Variants in MTAP observed in about 807,000 individuals in gnomAD.
MTAP encodes the protein S-methyl-5'-thioadenosine phosphorylase.
A neutral mutation model predicts 33.6 loss-of-function variants in MTAP; 33 were observed. The observed-to-expected ratio is 0.98, with a 90% confidence interval of 0.74 to 1.31. The LOEUF is 1.31. Ranked by LOEUF, MTAP falls within the 40% of genes most tolerant of loss-of-function variation. The pLI, the probability that MTAP is intolerant of heterozygous loss-of-function variation, is 0.00. For synonymous variants in MTAP, 148 were observed against 125.7 expected, an observed-to-expected ratio of 1.18 and a Z score of -1.19; for missense variants, 367 against 360.0, an observed-to-expected ratio of 1.02 and a Z score of -0.16.
At chr9:21,881,939 A>G (rs1172207532) in intron 1 of MTAP, among the ~76,000 whole-genome samples, 3 of 152,064 alleles carry the variant, frequency 2.0e-5, no homozygotes, top group African/African-American at 7.2e-5. Flanking sequence ...TCATAGCAGC[A>G]TTATTAAGAA....
chr9:21,883,658 T>C (rs1451706975), intron 1 of MTAP, among the ~76,000 whole-genome samples: 4 of 150,860 alleles, frequency 2.7e-5, no homozygotes, highest in East Asian at 1.9e-4. Context: ...TCAGATCTCA[T>C]TGGAGAACGT....
intron 6 of MTAP, among the ~76,000 whole-genome samples, chr9:21,858,173 G>T (rs560271741): frequency 6.6e-6 from 1 of 152,062 alleles, no homozygotes; most frequent in East Asian, 1.9e-4. Flanking sequence ...AAGGAGAAAC[G>T]TACCTGTTTG....
chr9:21,920,603 T>C (rs1378869279), intron 1 of MTAP, among the ~76,000 whole-genome samples: 1 of 152,200 alleles, frequency 6.6e-6, no homozygotes, highest in Non-Finnish European at 1.5e-5. Flanking sequence ...AAAGGGGCTA[T>C]TGGGAAACAA....
chr9:21,803,762 G>C (rs1324325451), intron 1 of MTAP, among the ~76,000 whole-genome samples: 2 of 151,994 alleles, frequency 1.3e-5, no homozygotes, highest in African/African-American at 4.8e-5. Flanking sequence ...TTTGGCCTAT[G>C]GGATAGGAAG....
chr9:21,872,382 T>G (rs1382761056), intron 1 of MTAP, among the ~76,000 whole-genome samples: 1 of 152,196 alleles, frequency 6.6e-6, no homozygotes, highest in Non-Finnish European at 1.5e-5. Context: ...AACCAATATT[T>G]TTTTTAAAGG....
chr9:21,881,346 T>C (rs1240815050), intron 1 of MTAP, among the ~76,000 whole-genome samples: 2 of 152,012 alleles, frequency 1.3e-5, no homozygotes, highest in Non-Finnish European at 2.9e-5. Context: ...TGATATTAAA[T>C]TTAGCATTAT....
intron 1 of MTAP, chr9:21,892,448 C>G (rs1288130103): frequency 6.6e-6 from 1 of 152,014 alleles, no homozygotes; most frequent in Non-Finnish European, 1.5e-5. Flanking sequence ...AAAGGAAAAA[C>G]AGAGAGAAGA....
At chr9:21,897,991 G>A (rs952412480) in intron 1 of MTAP, among the ~76,000 whole-genome samples, 12 of 152,244 alleles carry the variant, frequency 7.9e-5, no homozygotes, top group African/African-American at 2.4e-4. Context: ...ATACTACAAG[G>A]CTACAGTAAC....
intron 4 of MTAP, among the ~76,000 whole-genome samples, chr9:21,832,211 A>T (rs1174100388): frequency 6.6e-6 from 1 of 152,214 alleles, no homozygotes; most frequent in Non-Finnish European, 1.5e-5. Context: ...GGGATCAGTT[A>T]TGTCAGTCTG....
At chr9:21,878,340 T>C (rs1248632596) in intron 1 of MTAP, among the ~76,000 whole-genome samples, 7 of 152,142 alleles carry the variant, frequency 4.6e-5, no homozygotes, top group Non-Finnish European at 1.0e-4. Context: ...TGTTCTTTCA[T>C]GTCTCAATTT....
chr9:21,853,598 A>C (rs1029720527), intron 5 of MTAP, among the ~76,000 whole-genome samples: 7 of 152,158 alleles, frequency 4.6e-5, no homozygotes, highest in Non-Finnish European at 8.8e-5. Flanking sequence ...ACTTTGAGTC[A>C]CTCCACTTTA....
intron 4 of MTAP, among the ~76,000 whole-genome samples, chr9:21,823,245 A>C (rs1307547021): frequency 1.3e-5 from 2 of 152,050 alleles, no homozygotes; most frequent in African/African-American, 2.4e-5. Flanking sequence ...ATATTTTGGC[A>C]TGTTTTTGCA....
At chr9:21,831,695 CA>C (rs1238410260) in intron 4 of MTAP, among the ~76,000 whole-genome samples, 9 of 152,092 alleles carry the variant, frequency 5.9e-5, no homozygotes, top group Non-Finnish European at 1.2e-4. Flanking sequence ...AGAAATATCT[CA>C]AGGTGAAACT....
rs1394457041 is a variant in MTAP at position 21,866,180 on chromosome 9, C to T, written c.*4166C>T. ...TTTTCATGTGCTTATTGGCCATTCACATATTTCGTGAACTATCTGTACAAA... is the reference window on the plus strand; with the variant it reads ...TTTTCATGTGCTTATTGGCCATTCATATATTTCGTGAACTATCTGTACAAA... On this transcript the variant is annotated 3_prime_UTR_variant, in exon 8 of 8. Transcript: ENST00000644715. The T allele has an allele frequency of 6.6e-6, 1 of 152,120 alleles. No individual in the cohort carries two copies. The highest frequency in any genetic ancestry group is 1.5e-5 in the Non-Finnish European group (1 of 68,004). 9.4% of individuals were successfully genotyped at this position (152,120 alleles called of 1,614,324 possible).
chr9:21,895,207 A>G (rs1818270358), intron 1 of MTAP, among the ~76,000 whole-genome samples: 1 of 152,220 alleles, frequency 6.6e-6, no homozygotes, highest in Non-Finnish European at 1.5e-5. Context: ...TGAAAAAGCC[A>G]GAATAACCAA....
At chr9:21,802,985 AAC>A (rs753392319) in intron 1 of MTAP, 32,418 of 441,268 alleles carry the variant, frequency 0.073, 351 homozygotes, top group Admixed American at 0.082. Flanking sequence ...CCGCACCGCC[AAC>A]ACACACACAC....
chr9:21,802,852 G>A, intron 1 of MTAP, 71 bp downstream of exon 1: 1 of 1,589,380 alleles, frequency 6.3e-7, no homozygotes, highest in Non-Finnish European at 8.6e-7. Flanking sequence ...CCGGGGGACC[G>A]CGCCTCCGGG....
intron 1 of MTAP, among the ~76,000 whole-genome samples, chr9:21,907,301 C>T (rs115945036): frequency 0.014 from 2,058 of 152,300 alleles, 38 homozygotes; most frequent in African/African-American, 0.046. Flanking sequence ...AACCCCAGCA[C>T]TTTGGGAGGC....
chr9:21,825,575 C>T lies in MTAP; in HGVS notation c.347+7373C>T, dbSNP rs140795455. 5.8e-4 allele frequency among the ~76,000 whole-genome samples: 88 copies of T among 152,302 alleles called. 1 individual carries two copies. The East Asian group carries it at 0.013, about 23-fold the overall frequency. ...CATTGTGGCCTGGCACAGTGGTTCA[C>T]GCCTGTAATCCTAGCACTTTGAGAG... On this transcript the variant is annotated intron_variant, in intron 4 of 7. Transcript: ENST00000644715.
Sources: gnomAD v4.1 joint callset for allele counts (sites outside exome capture counted in the v4.1 genomes callset) on GRCh38, gnomAD v4.1.1 for gene constraint, MANE v1.5 for transcripts, NCBI Gene and HGNC (gene_info 2026-07-23, HGNC 2026-07-21) for gene names.